Variants in ELAPOR1 observed in about 807,000 individuals in gnomAD.
ELAPOR1 encodes endosome/lysosome-associated apoptosis and autophagy regulator 1.
ELAPOR1 carries 77 observed loss-of-function variants against 119.7 expected under a neutral mutation model. The observed-to-expected ratio is 0.64, with a 90% CI of 0.54 to 0.78. The LOEUF (loss-of-function observed/expected upper bound fraction) is 0.78, where lower values mean the gene tolerates loss of function less well. Among genes scored for constraint, ELAPOR1 ranks in the 30% least tolerant of loss-of-function variants. ELAPOR1 has a pLI of 0.00. For missense variants in ELAPOR1, 1,115 were observed against 1,270.4 expected (o/e 0.88, Z 1.86); for synonymous variants, 481 against 487.2 (o/e 0.99, Z 0.17).
rs1358228678 is a variant in ELAPOR1 at position 109,202,944 on chromosome 1, A to G, written c.2974A>G (p.Arg992Gly). 1 of 1,613,846 alleles carries G rather than the reference A, an allele frequency of 6.2e-7. No individual in the cohort carries two copies. The highest frequency in any genetic ancestry group is 1.1e-5 in the South Asian group (1 of 90,988). ...FGKIKSFTSKRTPDGFDSVPL... is the reference protein window; with the variant it reads ...FGKIKSFTSKGTPDGFDSVPL... ...GCTCCTGTCACCATCTCTCTTTCAG[A>G]GGACTCCTGATGGATTTGACTCAGT... The change falls in exon 22 of 22, where the codon AGG becomes GGG. Residue 992 changes from arginine to glycine, a missense_variant and splice_region_variant. Physicochemically the swap from Arg to Gly is moderately radical, Grantham distance 125. Transcript: ENST00000369939.
At chr1:109,174,950 C>T (rs1652173353) in intron 7 of ELAPOR1, among the ~76,000 whole-genome samples, 1 of 151,784 alleles carries the variant, frequency 6.6e-6, no homozygotes, top group Non-Finnish European at 1.5e-5. Context: ...CTCCTGACCT[C>T]GTGATCCGCC....
intron 9 of ELAPOR1, 55 bp from the exon 10 acceptor site, chr1:109,189,011 C>T: frequency 1.3e-6 from 2 of 1,598,006 alleles, no homozygotes; most frequent in East Asian, 2.2e-5. Flanking sequence ...CAGCTCCAGT[C>T]AGAGTGACTG....
At chr1:109,202,169 G>A (rs866442817) in intron 21 of ELAPOR1, among the ~76,000 whole-genome samples, 15 of 152,168 alleles carry the variant, frequency 9.9e-5, no homozygotes, top group South Asian at 6.2e-4. Context: ...CTGGAGTGCA[G>A]TGGCATGATC....
rs116228374 is a variant in ELAPOR1, at chr1:109,181,714, G to A, written c.953-3331G>A. ...TTCCTGGCCAAGTCAGTCAAAAGCA[G>A]GAGTCCATGGGTCCCTCTGTGCTGA... On this transcript the variant is annotated intron_variant, in intron 7 of 21. Coordinates refer to ENST00000369939, the MANE Select transcript of ELAPOR1 (RefSeq NM_020775.5). Among the ~76,000 whole-genome samples the A allele has an allele frequency of 9.4e-4, 143 of 152,270 alleles. 1 individual carries two copies. The highest frequency in any genetic ancestry group is 3.3e-3 in the African/African-American group (138 of 41,548).
chr1:109,167,497 T>G (rs952256947), intron 3 of ELAPOR1, among the ~76,000 whole-genome samples: 2 of 152,232 alleles, frequency 1.3e-5, no homozygotes, highest in African/African-American at 4.8e-5. Context: ...CCTATTCAGC[T>G]GTGCAGCTAC....
intron 18 of ELAPOR1, 27 bp downstream of exon 18, chr1:109,198,701 A>G (rs1333278968): frequency 6.3e-7 from 1 of 1,581,902 alleles, no homozygotes; most frequent in African/African-American, 1.3e-5. Flanking sequence ...GATGTAACAA[A>G]GGCCAAAATC....
intron 1 of ELAPOR1, among the ~76,000 whole-genome samples, chr1:109,130,255 A>G (rs1396042325): frequency 2.6e-5 from 4 of 151,984 alleles, no homozygotes; most frequent in African/African-American, 4.8e-5. Context: ...ACACTATACA[A>G]CCCAGTGCAC....
At position 109,197,688 on chromosome 1, in the gene ELAPOR1, A is replaced by T. The variant is rs1048099433; in HGVS notation, c.2302+34A>T. 9.9e-5 allele frequency: 135 copies of T among 1,366,814 alleles called. No individual in the cohort carries two copies. The African/African-American group carries it at 1.2e-3, about 12-fold the overall frequency. The allele number at this position is 1,366,814 out of a possible 1,614,324, so 84.7% of individuals were successfully genotyped here. A position where few individuals can be genotyped will look rare whatever the true frequency, so the allele number is the denominator to read the frequency against. ...CTCCGCTGCCTCAGCCTTGTTTGAG[A>T]GTGTGTGTGTGTGTGTGTGTGTGTG... On this transcript the variant is annotated intron_variant, in intron 16 of 21. Coordinates refer to ENST00000369939, the MANE Select transcript of ELAPOR1 (RefSeq NM_020775.5).
At chr1:109,169,756 T>A (rs1014370502) in intron 3 of ELAPOR1, among the ~76,000 whole-genome samples, 2 of 152,226 alleles carry the variant, frequency 1.3e-5, no homozygotes, top group African/African-American at 4.8e-5. Context: ...GCAACAATTT[T>A]GAGGTCTGAC....
At chr1:109,181,414 AT>A (rs1652690325) in intron 7 of ELAPOR1, among the ~76,000 whole-genome samples, 2 of 152,150 alleles carry the variant, frequency 1.3e-5, no homozygotes, top group African/African-American at 4.8e-5. Flanking sequence ...CTTGACTAGC[AT>A]CCAACTTAAA....
rs548045722 is a variant in ELAPOR1 at position 109,177,632 on chromosome 1, A to C, written c.952+3795A>C. Among the ~76,000 whole-genome samples the C allele has an allele frequency of 2.0e-5, 3 of 151,738 alleles. No homozygotes were observed. In the South Asian group the frequency reaches 6.3e-4, roughly 32 times the overall value. On this transcript the variant is annotated intron_variant, in intron 7 of 21. Transcript: ENST00000369939. ...TGTAGCGAGCCGAGATCACGCCACT[A>C]TGAGTGCAGTTTTCAACTAAAACAG...
intron 1 of ELAPOR1, among the ~76,000 whole-genome samples, chr1:109,155,980 A>G (rs965444070): frequency 6.6e-6 from 1 of 151,080 alleles, no homozygotes; most frequent in African/African-American, 2.5e-5. Flanking sequence ...CCATCTCTGC[A>G]AAAAAATTTT....
At chr1:109,151,269 A>G (rs535352767) in intron 1 of ELAPOR1, among the ~76,000 whole-genome samples, 2 of 152,260 alleles carry the variant, frequency 1.3e-5, no homozygotes, top group East Asian at 3.9e-4. Context: ...TAGGCCTCAG[A>G]GGTCTAGAGC....
At chr1:109,123,834 T>A (rs1412700090) in intron 1 of ELAPOR1, among the ~76,000 whole-genome samples, 1 of 152,222 alleles carries the variant, frequency 6.6e-6, no homozygotes, top group Non-Finnish European at 1.5e-5. Context: ...AGTTTTTCTC[T>A]ATCTCATTCC....
At chr1:109,157,431 C>T (rs1246472002) in intron 1 of ELAPOR1, among the ~76,000 whole-genome samples, 1 of 152,120 alleles carries the variant, frequency 6.6e-6, no homozygotes, top group Non-Finnish European at 1.5e-5. Flanking sequence ...TCACAGAGGG[C>T]CCTATCGCAC....
intron 1 of ELAPOR1, among the ~76,000 whole-genome samples, chr1:109,154,300 A>G (rs895460033): frequency 1.1e-4 from 16 of 149,302 alleles, no homozygotes; most frequent in East Asian, 3.9e-4. Flanking sequence ...AAAAAAAAAA[A>G]AAAGAAAAGG....
chr1:109,186,745 A>C, intron 8 of ELAPOR1: 1 of 985,590 alleles, frequency 1.0e-6, no homozygotes, highest in Non-Finnish European at 1.2e-6. Context: ...TGTTCATAAC[A>C]TGTGACTGAA....
chr1:109,197,684 T>TGAGAGAGAGAGA (rs375471602), intron 16 of ELAPOR1, 30 bp downstream of exon 16: 3 of 1,496,300 alleles, frequency 2.0e-6, no homozygotes, highest in African/African-American at 1.4e-5. Context: ...CAGCCTTGTT[T>TGAGAGAGAGAGA]GAGAGTGTGT....
chr1:109,144,061 A>ATATATATATATTTTT, intron 1 of ELAPOR1, among the ~76,000 whole-genome samples: 7 of 88,988 alleles, frequency 7.9e-5, no homozygotes, highest in African/African-American at 2.4e-4. Flanking sequence ...ATATTTATAT[A>ATATATATATATTTTT]TTTTTTTTTT....
Sources: allele counts gnomAD v4.1 joint callset (sites outside exome capture counted in the v4.1 genomes callset), GRCh38; gene constraint gnomAD v4.1.1; transcripts MANE v1.5; gene names NCBI Gene and HGNC (gene_info 2026-07-23, HGNC 2026-07-21).